Variants in CCDC171 observed in about 807,000 individuals in gnomAD.
CCDC171 encodes the protein coiled-coil domain-containing protein 171.
In CCDC171, 177 loss-of-function variants were observed where a neutral mutation model predicts 168.2. The ratio of observed to expected loss-of-function variants is 1.05; its 90% CI spans 0.93 to 1.19. The LOEUF is 1.19. CCDC171 is among the 50% of genes most tolerant of loss of function. The pLI, the probability that CCDC171 is intolerant of heterozygous loss-of-function variation, is 0.00. For missense variants in CCDC171, 1,991 were observed against 1,539.0 expected, an observed-to-expected ratio of 1.29 and a Z score of -4.91; for synonymous variants, 687 against 540.8, an observed-to-expected ratio of 1.27 and a Z score of -3.75.
chr9:15,603,043 G>A (rs1322802930), intron 6 of CCDC171, among the ~76,000 whole-genome samples: 8 of 151,850 alleles, frequency 5.3e-5, no homozygotes, highest in African/African-American at 1.9e-4. Context: ...GTGCAGTGGC[G>A]CGATCTTGGC....
At chr9:16,002,080 A>T (rs1359500422) in intron 3 of CCDC171, among the ~76,000 whole-genome samples, 1 of 149,812 alleles carries the variant, frequency 6.7e-6, no homozygotes, top group African/African-American at 2.5e-5. Context: ...CTCCCACCTC[A>T]GCATCCCAAA....
intron 21 of CCDC171, among the ~76,000 whole-genome samples, chr9:15,844,579 A>C (rs2060818025): frequency 6.6e-6 from 1 of 151,978 alleles, no homozygotes; most frequent in Admixed American, 6.6e-5. Flanking sequence ...TTTTTCCAAA[A>C]AAACTATATT....
intron 21 of CCDC171, among the ~76,000 whole-genome samples, chr9:15,830,315 T>C (rs894632060): frequency 1.3e-5 from 2 of 152,250 alleles, no homozygotes; most frequent in Non-Finnish European, 2.9e-5. Flanking sequence ...TTTTACATGT[T>C]ATAACCAGCA....
At chr9:15,977,649 G>A (rs1831664527), downstream of CCDC171, among the ~76,000 whole-genome samples, 2 of 152,178 alleles carry the variant, frequency 1.3e-5, no homozygotes. Context: ...GTTAATGCCA[G>A]TGAAATGCTG....
intron 24 of CCDC171, among the ~76,000 whole-genome samples, chr9:15,897,821 A>G (rs1402886532): frequency 6.6e-6 from 1 of 152,196 alleles, no homozygotes; most frequent in East Asian, 1.9e-4. Context: ...TGAGAAACAA[A>G]TAAACAAACA....
intron 8 of CCDC171, among the ~76,000 whole-genome samples, chr9:15,661,257 G>A (rs1366324987): frequency 2.1e-5 from 3 of 140,032 alleles, no homozygotes; most frequent in Non-Finnish European, 4.5e-5. Context: ...TCCAGCCTGG[G>A]CGACAGAGCG....
chr9:15,963,172 G>C (rs896054800), intron 25 of CCDC171, among the ~76,000 whole-genome samples: 1 of 151,958 alleles, frequency 6.6e-6, no homozygotes, highest in Non-Finnish European at 1.5e-5. Flanking sequence ...CACACACCGG[G>C]GCCTGTTGTG....
At chr9:15,558,726 A>G (rs976742308) in intron 1 of CCDC171, among the ~76,000 whole-genome samples, 3 of 151,794 alleles carry the variant, frequency 2.0e-5, no homozygotes, top group East Asian at 1.9e-4. Context: ...TTGTGTCTCT[A>G]TCTCCTTCAG....
chr9:16,034,198 C>T (rs1348772292), intron 6 of CCDC171, among the ~76,000 whole-genome samples: 1 of 152,288 alleles, frequency 6.6e-6, no homozygotes, highest in East Asian at 1.9e-4. Flanking sequence ...TTTGGGTTGC[C>T]GCAGAGCCCT....
At chr9:15,784,779 G>A in intron 21 of CCDC171, 85 bp downstream of exon 21, 1 of 983,710 alleles carries the variant, frequency 1.0e-6, no homozygotes, top group Non-Finnish European at 1.5e-6. Context: ...TCCTGAATAG[G>A]AATAGATCCC....
the CCDC171 span, among the ~76,000 whole-genome samples, chr9:16,099,685 C>T: frequency 2.6e-5 from 4 of 152,190 alleles, no homozygotes; most frequent in South Asian, 6.2e-4. Flanking sequence ...TCGTGGGCTT[C>T]TGGTGGGTGA....
At chr9:15,877,350 T>C (rs150872462) in intron 24 of CCDC171, among the ~76,000 whole-genome samples, 156 of 152,276 alleles carry the variant, frequency 1.0e-3, no homozygotes, top group Admixed American at 1.8e-3. Context: ...CTTGTAAAGA[T>C]GAAGTAAGCA....
At chr9:15,591,597 T>C (rs2042012790) in intron 5 of CCDC171, 41 bp downstream of exon 5, 2 of 1,093,706 alleles carry the variant, frequency 1.8e-6, no homozygotes. Context: ...ATATGTAATA[T>C]TCACCGAGAT....
At chr9:15,617,197 A>G (rs892206780) in intron 6 of CCDC171, among the ~76,000 whole-genome samples, 1 of 152,042 alleles carries the variant, frequency 6.6e-6, no homozygotes, top group Non-Finnish European at 1.5e-5. Flanking sequence ...CAATTGCTCA[A>G]TCTCATTCTC....
chr9:15,642,525 G>T (rs895872162), intron 7 of CCDC171, among the ~76,000 whole-genome samples: 2 of 151,518 alleles, frequency 1.3e-5, no homozygotes, highest in Admixed American at 6.6e-5. Flanking sequence ...GCAGCATGTT[G>T]ATGTTCCTCT....
At chr9:15,947,464 G>A (rs10810494) in intron 25 of CCDC171, among the ~76,000 whole-genome samples, 46,938 of 151,690 alleles carry the variant, frequency 0.31, 9,190 homozygotes, top group East Asian at 0.65. Context: ...TTGTCTTTTC[G>A]TGCATGGCCT....
the CCDC171 span, among the ~76,000 whole-genome samples, chr9:16,106,471 G>T: frequency 1.3e-5 from 2 of 152,224 alleles, no homozygotes; most frequent in South Asian, 2.1e-4. Context: ...GTGCAATTCC[G>T]GAGCTAAAGG....
At chr9:15,754,427 T>C (rs2055964880) in intron 18 of CCDC171, among the ~76,000 whole-genome samples, 2 of 152,152 alleles carry the variant, frequency 1.3e-5, no homozygotes, top group South Asian at 4.1e-4. Flanking sequence ...GAGCATTGTG[T>C]ATAATACCTG....
chr9:15,948,274 C>T (rs1431533794), intron 25 of CCDC171, among the ~76,000 whole-genome samples: 138 of 147,032 alleles, frequency 9.4e-4, no homozygotes, highest in African/African-American at 3.2e-3. Context: ...TGAATAATGC[C>T]GCAATAAACA....
Sources: gnomAD v4.1 joint callset for allele counts (sites outside exome capture counted in the v4.1 genomes callset) on GRCh38, gnomAD v4.1.1 for gene constraint, MANE v1.5 for transcripts, NCBI Gene and HGNC (gene_info 2026-07-23, HGNC 2026-07-21) for gene names.